The following ATG5 variants were observed in gnomAD, a reference collection of about 807,000 sequenced individuals.
ATG5 encodes the protein autophagy related 5, also known as autophagy protein 5.
ATG5 carries 14 observed loss-of-function variants against 36.5 expected under a neutral mutation model. That is an observed-to-expected ratio of 0.38 (90% CI 0.25 to 0.60). The LOEUF is 0.60. ATG5 is among the 20% of genes least tolerant of loss of function. The pLI, the probability that ATG5 is intolerant of heterozygous loss-of-function variation, is 0.60. For missense variants in ATG5, 195 were observed against 326.7 expected, an observed-to-expected ratio of 0.60 and a Z score of 3.11; for synonymous variants, 95 against 101.5, an observed-to-expected ratio of 0.94 and a Z score of 0.38.
chr6:106,304,024 TTA>T (rs1465276902), intron 3 of ATG5, among the ~76,000 whole-genome samples: 1 of 147,498 alleles, frequency 6.8e-6, no homozygotes, highest in African/African-American at 2.5e-5. Context: ...ATTGGAAAAA[TTA>T]TATAATTTCT....
intron 6 of ATG5, among the ~76,000 whole-genome samples, chr6:106,227,565 T>C (rs1017690301): frequency 2.0e-5 from 3 of 151,492 alleles, no homozygotes; most frequent in African/African-American, 7.2e-5. Flanking sequence ...CACTGCACTC[T>C]TGCAGTGGAG....
intron 6 of ATG5, among the ~76,000 whole-genome samples, chr6:106,224,037 T>C (rs962132733): frequency 6.6e-6 from 1 of 152,192 alleles, no homozygotes; most frequent in African/African-American, 2.4e-5. Flanking sequence ...AACATCTATA[T>C]GATATGAAGG....
chr6:106,322,793 T>C (rs2763221), intron 1 of ATG5, among the ~76,000 whole-genome samples: 12,538 of 152,322 alleles, frequency 0.082, 545 homozygotes, highest in South Asian at 0.13. Flanking sequence ...TTTTATCTTC[T>C]GTCCAGACTT....
intron 3 of ATG5, among the ~76,000 whole-genome samples, chr6:106,297,638 C>T (rs1233475492): frequency 1.3e-5 from 2 of 151,220 alleles, no homozygotes; most frequent in African/African-American, 4.9e-5. Flanking sequence ...GTACTTAAAC[C>T]TGTATTAAAA....
At chr6:106,240,190 C>T (rs1728936140) in intron 6 of ATG5, among the ~76,000 whole-genome samples, 2 of 151,276 alleles carry the variant, frequency 1.3e-5, no homozygotes. Context: ...AATCCACATA[C>T]TACTAAGAAA....
intron 4 of ATG5, among the ~76,000 whole-genome samples, chr6:106,289,839 A>T (rs1325594018): frequency 6.6e-6 from 1 of 152,226 alleles, no homozygotes; most frequent in Non-Finnish European, 1.5e-5. Context: ...GCCTTAATAG[A>T]CAACCAATGG....
At chr6:106,324,114 C>T (rs542929040) in intron 1 of ATG5, among the ~76,000 whole-genome samples, 2 of 152,216 alleles carry the variant, frequency 1.3e-5, no homozygotes, top group Admixed American at 6.5e-5. Context: ...CGCCACTTGA[C>T]GTACACAGTT....
chr6:106,197,093 C>T (rs1776225639), intron 7 of ATG5, among the ~76,000 whole-genome samples: 1 of 152,176 alleles, frequency 6.6e-6, no homozygotes, highest in South Asian at 2.1e-4. Context: ...CATTACAGAA[C>T]ACATTACTTC....
intron 2 of ATG5, among the ~76,000 whole-genome samples, chr6:106,311,219 A>C (rs934752071): frequency 3.3e-5 from 5 of 152,376 alleles, no homozygotes; most frequent in Admixed American, 6.5e-5. Flanking sequence ...TACAACATTG[A>C]AAGAGACAGA....
At chr6:106,271,529 G>A (rs555536974) in intron 5 of ATG5, 1 of 152,306 alleles carries the variant, frequency 6.6e-6, no homozygotes, top group East Asian at 1.9e-4. Flanking sequence ...CCGCTAGATT[G>A]TGAAAATAAT....
chr6:106,307,035 G>A (rs555562289), intron 3 of ATG5, among the ~76,000 whole-genome samples: 5 of 152,262 alleles, frequency 3.3e-5, no homozygotes, highest in South Asian at 2.1e-4. Context: ...GATTAGAGAC[G>A]GGACCCAAAA....
intron 5 of ATG5, among the ~76,000 whole-genome samples, chr6:106,263,068 G>A (rs539919978): frequency 6.1e-4 from 93 of 152,288 alleles, no homozygotes; most frequent in African/African-American, 2.1e-3. Context: ...CCACTCCTAC[G>A]GAGCCCAGCA....
chr6:106,261,586 T>C lies in ATG5; in HGVS notation c.479-13342A>G, dbSNP rs149343558. Among the ~76,000 whole-genome samples, 438 of 152,320 alleles carry C rather than the reference T, an allele frequency of 2.9e-3. 2 individuals carry two copies. The highest frequency in any genetic ancestry group is 4.2e-3 in the Non-Finnish European group (285 of 68,030). On this transcript the variant is annotated intron_variant, in intron 5 of 7. Transcript: ENST00000369076. ...CACGTGAAGTACCCAGAACAGAACT[T>C]GGAATGAGTTAAAATGCACTCAACA...
At chr6:106,187,182 T>C (rs1426727211) in intron 7 of ATG5, among the ~76,000 whole-genome samples, 4 of 152,176 alleles carry the variant, frequency 2.6e-5, no homozygotes, top group African/African-American at 9.6e-5. Flanking sequence ...AGTAAAGCAT[T>C]CAAGTATGTA....
rs151256220 is a variant in ATG5, at chr6:106,306,892, G to T, written c.236+1472C>A. Among the ~76,000 whole-genome samples, 647 of 152,202 alleles carry T rather than the reference G, an allele frequency of 4.3e-3. 3 individuals are homozygous for T. Among genetic ancestry groups the T allele is most frequent in the African/African-American group, 0.011 (441 of 41,518 alleles). On this transcript the variant is annotated intron_variant, in intron 3 of 7. Transcript: ENST00000369076. ...GGAAGCATTGCCTTATCTATGCTGC[G>T]TGAGGTCTAGAACTACACAAGAAGA...
At chr6:106,304,518 G>A (rs1770356039) in intron 3 of ATG5, among the ~76,000 whole-genome samples, 1 of 151,988 alleles carries the variant, frequency 6.6e-6, no homozygotes, top group Non-Finnish European at 1.5e-5. Flanking sequence ...AAAAACCACT[G>A]ATACACGCAA....
At chr6:106,196,231 A>T (rs1208650659) in intron 7 of ATG5, among the ~76,000 whole-genome samples, 1 of 152,224 alleles carries the variant, frequency 6.6e-6, no homozygotes. Context: ...ATTAGATACT[A>T]AACACAAATT....
intron 5 of ATG5, among the ~76,000 whole-genome samples, chr6:106,269,561 G>A (rs1779365371): frequency 6.6e-6 from 1 of 152,244 alleles, no homozygotes; most frequent in Non-Finnish European, 1.5e-5. Flanking sequence ...CGGGAAGGCA[G>A]CTAAGGCCAG....
At chr6:106,289,312 G>A (rs190675915) in intron 4 of ATG5, among the ~76,000 whole-genome samples, 19 of 152,030 alleles carry the variant, frequency 1.2e-4, no homozygotes. Context: ...ACATCAATCA[G>A]TACAAGCTAT....
Sources: allele counts gnomAD v4.1 joint callset (sites outside exome capture counted in the v4.1 genomes callset), GRCh38; gene constraint gnomAD v4.1.1; transcripts MANE v1.5; gene names NCBI Gene and HGNC (gene_info 2026-07-23, HGNC 2026-07-21).